The following FGF12 variants were observed in gnomAD, a reference collection of about 807,000 sequenced individuals.
The protein encoded by FGF12 is fibroblast growth factor 12B.
A neutral mutation model predicts 23.6 loss-of-function variants in FGF12; 14 were observed. The ratio of observed to expected loss-of-function variants is 0.59; its 90% CI spans 0.39 to 0.93. The LOEUF (loss-of-function observed/expected upper bound fraction) is 0.93. Ranked by LOEUF, FGF12 falls within the 40% of genes least tolerant of loss-of-function variation. The pLI, the probability that FGF12 is intolerant of heterozygous loss-of-function variation, is 0.00. For missense variants in FGF12, 175 were observed against 217.8 expected (o/e 0.80, Z 1.24); for synonymous variants, 62 against 77.3 (o/e 0.80, Z 1.04).
intron 2 of FGF12, among the ~76,000 whole-genome samples, chr3:192,405,147 G>A (rs1720910390): frequency 6.6e-6 from 1 of 150,966 alleles, no homozygotes; most frequent in Non-Finnish European, 1.5e-5. Flanking sequence ...CAGAGATTTT[G>A]CTGCACAAAA....
At chr3:192,378,044 T>TTCTCTCTCTCTC (rs1174579886) in intron 2 of FGF12, among the ~76,000 whole-genome samples, 6 of 94,900 alleles carry the variant, frequency 6.3e-5, no homozygotes, top group African/African-American at 2.9e-4. Flanking sequence ...CTTTCTTTCT[T>TTCTCTCTCTCTC]TCTTTCTTTC....
chr3:192,229,071 T>C (rs1467678994), intron 4 of FGF12, among the ~76,000 whole-genome samples: 1 of 151,974 alleles, frequency 6.6e-6, no homozygotes, highest in Non-Finnish European at 1.5e-5. Flanking sequence ...TGGAGCTCAT[T>C]GAGAGTAAGG....
chr3:192,666,251 C>T (rs1248235965), intron 2 of FGF12, among the ~76,000 whole-genome samples: 1 of 152,094 alleles, frequency 6.6e-6, no homozygotes, highest in African/African-American at 2.4e-5. Flanking sequence ...TTTTATATAG[C>T]TTTGCTTAAT....
intron 4 of FGF12, among the ~76,000 whole-genome samples, chr3:192,324,117 A>T (rs542669645): frequency 1.8e-4 from 25 of 138,104 alleles, no homozygotes; most frequent in Admixed American, 6.2e-4. Flanking sequence ...AATTAATTAA[A>T]TAAAATATCA....
At chr3:192,455,059 T>C (rs1206491927) in intron 2 of FGF12, among the ~76,000 whole-genome samples, 1 of 152,198 alleles carries the variant, frequency 6.6e-6, no homozygotes, top group Non-Finnish European at 1.5e-5. Flanking sequence ...GAAATTTACT[T>C]TTACTGAACT....
chr3:192,357,232 C>T (rs563964877), intron 3 of FGF12, among the ~76,000 whole-genome samples: 2 of 152,206 alleles, frequency 1.3e-5, no homozygotes, highest in South Asian at 4.2e-4. Flanking sequence ...GCCTGTAATC[C>T]CAGCACTTTG....
At chr3:192,323,417 TG>T (rs1716649969) in intron 4 of FGF12, among the ~76,000 whole-genome samples, 1 of 152,052 alleles carries the variant, frequency 6.6e-6, no homozygotes, top group Non-Finnish European at 1.5e-5. Context: ...GCAACAACAT[TG>T]ATAGAACTGG....
intron 2 of FGF12, among the ~76,000 whole-genome samples, chr3:192,615,771 C>T (rs1714732395): frequency 6.6e-6 from 1 of 151,932 alleles, no homozygotes; most frequent in Non-Finnish European, 1.5e-5. Context: ...TCTTGTGCTG[C>T]TTTGTTATGC....
chr3:192,266,092 T>C (rs1013477712), intron 4 of FGF12, among the ~76,000 whole-genome samples: 2 of 152,112 alleles, frequency 1.3e-5, no homozygotes, highest in African/African-American at 4.8e-5. Context: ...TCTGCTAAAA[T>C]CGTACTGGTC....
Position 192,147,927 on chromosome 3 carries a change from T to C in FGF12, c.428-3800A>G, listed in dbSNP as rs76765587. ...TCAGAAATGGTAATAAAAGAAAACA[T>C]ATGGCTGTTATAAACAAAATCAAAA... On this transcript the variant is annotated intron_variant, in intron 5 of 5. Transcript: ENST00000445105. 3.3e-3 allele frequency among the ~76,000 whole-genome samples: 504 copies of C among 152,236 alleles called. 9 individuals carry two copies. In the East Asian group the frequency reaches 0.052, roughly 16 times the overall value.
In FGF12 at chr3:192,336,593, A is replaced by C. The variant is rs1717429477; in HGVS notation, c.125-1129T>G. On this transcript the variant is annotated intron_variant, in intron 3 of 5. Coordinates refer to ENST00000445105, the MANE Select transcript of FGF12 (RefSeq NM_004113.6). This position sits in a 1 kb window ranked among gnomAD's most constrained non-coding sequence, Gnocchi z 4.3. ...ATCTCACGGCTGTATGCATAAGAGA[A>C]TATCTCTGCAGTTCATTTCAGTATC... 6.6e-6 allele frequency among the ~76,000 whole-genome samples: 1 copy of C among 152,162 alleles called. No individual in the cohort carries two copies. Among genetic ancestry groups the C allele is most frequent in the Non-Finnish European group, 1.5e-5 (1 of 68,024 alleles).
intron 4 of FGF12, among the ~76,000 whole-genome samples, chr3:192,216,888 G>C (rs1382547982): frequency 6.6e-6 from 1 of 152,136 alleles, no homozygotes; most frequent in East Asian, 1.9e-4. Flanking sequence ...TTTTTTCTTT[G>C]TACTGGTAAG....
At chr3:192,539,075 C>T (rs76468621) in intron 2 of FGF12, among the ~76,000 whole-genome samples, 4,309 of 152,198 alleles carry the variant, frequency 0.028, 205 homozygotes, top group African/African-American at 0.098. Context: ...ACAAAAATAT[C>T]ATCTGCAAAC....
intron 2 of FGF12, among the ~76,000 whole-genome samples, chr3:192,618,463 A>AGAAG (rs891516309): frequency 6.6e-6 from 1 of 152,040 alleles, no homozygotes; most frequent in Admixed American, 6.6e-5. Flanking sequence ...CTAGGTGAAA[A>AGAAG]GAAGGAAGGA....
intron 2 of FGF12, among the ~76,000 whole-genome samples, chr3:192,548,417 A>G (rs1725550013): frequency 6.6e-6 from 1 of 152,196 alleles, no homozygotes; most frequent in East Asian, 1.9e-4. Context: ...GAAAAAACTG[A>G]GGCATAGGGA....
At position 192,524,910 on chromosome 3, in the gene FGF12, T is replaced by G. The variant is rs564006125; in HGVS notation, c.14-164372A>C. ...AGTTCTTTTTATAAAATCACCATAA[T>G]CAAGGCTATTCCAGATAAAATGGAC... On this transcript the variant is annotated intron_variant, in intron 2 of 5. Transcript: ENST00000445105. Among the ~76,000 whole-genome samples the G allele has an allele frequency of 3.5e-4, 54 of 152,204 alleles. 1 individual carries two copies. Among genetic ancestry groups the G allele is most frequent in the African/African-American group, 1.3e-3 (53 of 41,532 alleles).
chr3:192,365,969 T>C (rs1241451554), intron 2 of FGF12, among the ~76,000 whole-genome samples: 1 of 113,036 alleles, frequency 8.8e-6, no homozygotes, highest in Non-Finnish European at 1.7e-5. Context: ...TTCATTAGCT[T>C]CAAAGGTAAA....
chr3:192,313,569 T>G (rs1716071493), intron 4 of FGF12, among the ~76,000 whole-genome samples: 1 of 152,348 alleles, frequency 6.6e-6, no homozygotes, highest in East Asian at 1.9e-4. Context: ...AGCAATAAGC[T>G]TCTGTTTCCA....
chr3:192,610,622 G>A (rs1185659921), intron 2 of FGF12, among the ~76,000 whole-genome samples: 1 of 151,988 alleles, frequency 6.6e-6, no homozygotes, highest in Non-Finnish European at 1.5e-5. Flanking sequence ...CTGTTAAAAT[G>A]TCAGATCAGG....
Sources: gnomAD v4.1 joint callset for allele counts (sites outside exome capture counted in the v4.1 genomes callset) on GRCh38, gnomAD v4.1.1 for gene constraint, Gnocchi (gnomAD v3.1) non-coding constraint, MANE v1.5 for transcripts, NCBI Gene and HGNC (gene_info 2026-07-23, HGNC 2026-07-21) for gene names.